The following CEP85L variants were observed in gnomAD, a reference collection of about 807,000 sequenced individuals.
CEP85L encodes the protein centrosomal protein of 85 kDa-like.
A neutral mutation model predicts 100.3 loss-of-function variants in CEP85L; 60 were observed. That is an observed-to-expected ratio of 0.60 (90% CI 0.49 to 0.74). The LOEUF (loss-of-function observed/expected upper bound fraction) is 0.74, where lower values mean the gene tolerates loss of function less well. Ranked by LOEUF, CEP85L falls within the 30% of genes least tolerant of loss-of-function variation. The pLI is 0.00. For synonymous variants in CEP85L, 319 were observed against 322.7 expected, an observed-to-expected ratio of 0.99 and a Z score of 0.12; for missense variants, 973 against 936.2, an observed-to-expected ratio of 1.04 and a Z score of -0.51.
At chr6:118,551,322 A>AC (rs1778529914) in intron 3 of CEP85L, among the ~76,000 whole-genome samples, 1 of 150,626 alleles carries the variant, frequency 6.6e-6, no homozygotes, top group African/African-American at 2.4e-5. Flanking sequence ...TCAACCCCCA[A>AC]CCCCCGCACA....
intron 1 of CEP85L, among the ~76,000 whole-genome samples, chr6:118,666,328 T>G (rs933700251): frequency 1.3e-5 from 2 of 152,202 alleles, no homozygotes; most frequent in African/African-American, 4.8e-5. Flanking sequence ...TCTGCTACAA[T>G]TTTAAATAGC....
chr6:118,559,612 G>GT (rs1779107622), intron 3 of CEP85L: 1 of 170,968 alleles, frequency 5.8e-6, no homozygotes, highest in South Asian at 1.9e-4. Flanking sequence ...ACTATTTGTA[G>GT]TAACTATCAG....
chr6:118,549,445 T>C (rs1778406985), intron 3 of CEP85L, among the ~76,000 whole-genome samples: 1 of 151,862 alleles, frequency 6.6e-6, no homozygotes, highest in Admixed American at 6.6e-5. Context: ...GAAAATTACA[T>C]ATATTTTATT....
rs956002732 is a variant in CEP85L at position 118,465,495 on chromosome 6, C to T, written c.2328G>A (p.Val776=). 4 of 1,613,560 alleles carry T rather than the reference C, an allele frequency of 2.5e-6. No individual in the cohort carries two copies. In the African/African-American group the frequency reaches 5.3e-5, roughly 22 times the overall value. Residue 776 remains valine, a synonymous_variant, in exon 13 of 13, where the codon GTG becomes GTA. Coordinates refer to ENST00000368491, the MANE Select transcript of CEP85L (RefSeq NM_001042475.3). The stretch of plus-strand genomic sequence containing the variant: ...CATCAATGTCTCTTCGTAACTGGCA[C>T]ACATCTGACAGCTTTTTAGTGAGTG... ...TETLTKKLSD[V]CQLRRDIDEL...
chr6:118,478,610 C>CA (rs1773559833), intron 10 of CEP85L, among the ~76,000 whole-genome samples: 1 of 152,024 alleles, frequency 6.6e-6, no homozygotes, highest in Admixed American at 6.6e-5. Context: ...TGTCTAGGCC[C>CA]AAATATTTGG....
At chr6:118,514,654 A>G (rs906696046) in intron 4 of CEP85L, among the ~76,000 whole-genome samples, 1 of 152,196 alleles carries the variant, frequency 6.6e-6, no homozygotes, top group Non-Finnish European at 1.5e-5. Flanking sequence ...AATGGATAAA[A>G]AGTAGGACCT....
intron 2 of CEP85L, among the ~76,000 whole-genome samples, chr6:118,592,629 G>A (rs1485141177): frequency 2.0e-5 from 3 of 151,980 alleles, no homozygotes; most frequent in Non-Finnish European, 4.4e-5. Context: ...GCTAGAAAAT[G>A]GTTGAAATAT....
chr6:118,497,353 A>G (rs1562200138), intron 5 of CEP85L, among the ~76,000 whole-genome samples: 1 of 152,324 alleles, frequency 6.6e-6, no homozygotes, highest in East Asian at 1.9e-4. Context: ...ATTACAGAGT[A>G]GACTGGACAT....
intron 3 of CEP85L, among the ~76,000 whole-genome samples, chr6:118,530,773 A>T (rs1210698760): frequency 6.6e-6 from 1 of 152,176 alleles, no homozygotes; most frequent in East Asian, 1.9e-4. Flanking sequence ...AAAAAGAATA[A>T]AATACCTAAG....
intron 2 of CEP85L, among the ~76,000 whole-genome samples, chr6:118,621,221 CAA>C (rs2115275948): frequency 6.6e-6 from 1 of 152,250 alleles, no homozygotes; most frequent in South Asian, 2.1e-4. Flanking sequence ...GTACAAAAAC[CAA>C]ATGGTCAGTG....
intron 3 of CEP85L, among the ~76,000 whole-genome samples, chr6:118,534,622 T>G (rs1013176259): frequency 6.6e-6 from 1 of 151,844 alleles, no homozygotes; most frequent in Non-Finnish European, 1.5e-5. Context: ...GACAGACCAA[T>G]GAAACAGAAT....
intron 3 of CEP85L, among the ~76,000 whole-genome samples, chr6:118,530,456 G>A (rs1777228331): frequency 6.6e-6 from 1 of 150,554 alleles, no homozygotes; most frequent in Non-Finnish European, 1.5e-5. Flanking sequence ...TTGAAATCCA[G>A]AGTAAGACAA....
At position 118,520,293 on chromosome 6, in the gene CEP85L, G is replaced by A. The variant is rs415198; in HGVS notation, c.1139+3509C>T. The stretch of plus-strand genomic sequence containing the variant: ...AATCACAGACAACATGATCGTTTAT[G>A]TAAACAATCCTATTGAATCTACAAA... On this transcript the variant is annotated intron_variant, in intron 4 of 12. Transcript: ENST00000368491. 7.5e-3 allele frequency among the ~76,000 whole-genome samples: 1,147 copies of A among 152,254 alleles called. 12 individuals are homozygous for A. The highest frequency in any genetic ancestry group is 0.025 in the African/African-American group (1,031 of 41,526).
intron 5 of CEP85L, among the ~76,000 whole-genome samples, chr6:118,500,488 G>GCAC (rs1361775636): frequency 5.9e-5 from 9 of 152,214 alleles, no homozygotes; most frequent in African/African-American, 1.9e-4. Flanking sequence ...TCACAAGCCT[G>GCAC]CTGTGAACCA....
intron 3 of CEP85L, among the ~76,000 whole-genome samples, chr6:118,532,363 G>A (rs1562236116): frequency 6.6e-6 from 1 of 152,006 alleles, no homozygotes; most frequent in African/African-American, 2.4e-5. Context: ...TGATGAGGGG[G>A]GCGGGTGGAA....
At chr6:118,609,131 T>C (rs898481048) in intron 2 of CEP85L, among the ~76,000 whole-genome samples, 5 of 152,188 alleles carry the variant, frequency 3.3e-5, no homozygotes, top group African/African-American at 1.2e-4. Flanking sequence ...AAAACATGTA[T>C]GGGATGATCA....
chr6:118,551,769 C>T (rs1025780828), intron 3 of CEP85L, among the ~76,000 whole-genome samples: 1 of 151,964 alleles, frequency 6.6e-6, no homozygotes, highest in Non-Finnish European at 1.5e-5. Flanking sequence ...TTCTTTCAAA[C>T]AGCCAGTCTG....
intron 3 of CEP85L, among the ~76,000 whole-genome samples, chr6:118,557,789 C>T (rs539030389): frequency 3.0e-4 from 46 of 152,248 alleles, no homozygotes; most frequent in African/African-American, 1.1e-3. Context: ...ACAATAAACG[C>T]TATGGCACAA....
intron 2 of CEP85L, among the ~76,000 whole-genome samples, chr6:118,622,966 G>GA (rs1470593036): frequency 6.6e-6 from 1 of 152,192 alleles, no homozygotes; most frequent in Non-Finnish European, 1.5e-5. Context: ...TTCCCCAAGC[G>GA]AAACAGAATG....
Sources: allele counts gnomAD v4.1 joint callset (sites outside exome capture counted in the v4.1 genomes callset), GRCh38; gene constraint gnomAD v4.1.1; transcripts MANE v1.5; gene names NCBI Gene and HGNC (gene_info 2026-07-23, HGNC 2026-07-21).